CCR9: variants seen among roughly 807,000 people sequenced by gnomAD.
CCR9 encodes C-C chemokine receptor type 9.
CCR9 carries 4 observed loss-of-function variants against 8.7 expected under a neutral mutation model. The ratio of observed to expected loss-of-function variants is 0.46; its 90% confidence interval spans 0.23 to 1.06. The LOEUF is 1.06. Among genes scored for constraint, CCR9 ranks in the 50% least tolerant of loss-of-function variants. CCR9 has a pLI of 0.21. For missense variants in CCR9, 394 were observed against 453.6 expected (o/e 0.87, Z 1.19); for synonymous variants, 159 against 168.8 (o/e 0.94, Z 0.45).
rs1246744284 is a variant in CCR9, at chr3:45,900,411, C to CT, written c.22-399_22-398insT. Among the ~76,000 whole-genome samples the CT allele has an allele frequency of 2.0e-5, 3 of 152,098 alleles. No individual in the cohort carries two copies. Among genetic ancestry groups the CT allele is most frequent in the African/African-American group, 7.2e-5 (3 of 41,398 alleles). On this transcript the variant is annotated intron_variant, in intron 2 of 2. Transcript: ENST00000357632. The surrounding 1 kb of genome is among the most constrained non-coding windows in gnomAD (Gnocchi z 4.7). Reference sequence around the variant, plus strand: ...ACTGAATAGATAGGAGAAGTACGATCACAGTCATATCACAGTTTGATAAAA... The same window carrying CT: ...ACTGAATAGATAGGAGAAGTACGATCTACAGTCATATCACAGTTTGATAAAA...
At chr3:45,898,963 C>T (rs1275677418) in intron 2 of CCR9, among the ~76,000 whole-genome samples, 5 of 152,016 alleles carry the variant, frequency 3.3e-5, no homozygotes, top group Non-Finnish European at 5.9e-5. Flanking sequence ...GTCAGAAGTT[C>T]GAGACCAGCC....
intron 1 of CCR9, among the ~76,000 whole-genome samples, chr3:45,887,538 C>T (rs1467928561): frequency 3.3e-5 from 5 of 152,206 alleles, no homozygotes; most frequent in African/African-American, 9.6e-5. Flanking sequence ...ACTCCATAGA[C>T]GGCTGGCAAG....
chr3:45,901,701 A>G lies in CCR9; in HGVS notation c.913A>G (p.Ile305Val). The G allele has an allele frequency of 6.2e-7, 1 of 1,614,158 alleles. No individual in the cohort carries two copies. The highest frequency in any genetic ancestry group is 8.5e-7 in the Non-Finnish European group (1 of 1,180,000). Residue 305 changes from isoleucine to valine, a missense_variant, in exon 3 of 3, where the codon ATC becomes GTC. Physicochemically the swap from Ile to Val is conservative, Grantham distance 29. Transcript: ENST00000357632. The surrounding 1 kb of genome is among the most constrained non-coding windows in gnomAD (Gnocchi z 4.3). Reference sequence around the variant, plus strand: ...CATCTGCTTCCAGGTCACCCAGACCATCGCCTTCTTCCACAGTTGCCTGAA... The same window carrying G: ...CATCTGCTTCCAGGTCACCCAGACCGTCGCCTTCTTCCACAGTTGCCTGAA... ...IDICFQVTQT[I>V]AFFHSCLNPV...
intron 1 of CCR9, among the ~76,000 whole-genome samples, chr3:45,894,463 G>A (rs529304966): frequency 3.9e-5 from 6 of 152,244 alleles, no homozygotes; most frequent in African/African-American, 1.4e-4. Flanking sequence ...TGTTAGCTTC[G>A]GTGAGTCCCT....
At position 45,903,172 on chromosome 3, in the gene CCR9, C is replaced by T. The variant is rs1249668565; in HGVS notation, c.*1274C>T. ...TGTGCAATTAAAGATCAAATAGATACATTAAGAGTGTGAAGGCTGGTCTGA... is the reference window on the plus strand; with the variant it reads ...TGTGCAATTAAAGATCAAATAGATATATTAAGAGTGTGAAGGCTGGTCTGA... On this transcript the variant is annotated 3_prime_UTR_variant, in exon 3 of 3. Coordinates refer to ENST00000357632, the MANE Select transcript of CCR9 (RefSeq NM_031200.3). 4 of 167,002 alleles carry T rather than the reference C, an allele frequency of 2.4e-5. No individual in the cohort carries two copies. In the Admixed American group the frequency reaches 2.6e-4, roughly 11 times the overall value. The allele number at this position is 167,002 out of a possible 1,614,324, so 10.3% of individuals were successfully genotyped here. A position where few individuals can be genotyped will look rare whatever the true frequency, so the allele number is the denominator to read the frequency against.
Position 45,886,553 on chromosome 3 carries a change from A to G in CCR9, c.-131A>G, listed in dbSNP as rs1701985836. On this transcript the variant is annotated 5_prime_UTR_variant, in exon 1 of 3. Coordinates refer to ENST00000357632, the MANE Select transcript of CCR9 (RefSeq NM_031200.3). ...GGTAGCTGCCTGCTCAGAACCCACA[A>G]AGCCTGCCCCTCATCCCAGGCAGAG... 1 of 152,148 alleles carries G rather than the reference A, an allele frequency of 6.6e-6. No individual in the cohort carries two copies. The highest frequency in any genetic ancestry group is 2.4e-5 in the African/African-American group (1 of 41,404). The allele number at this position is 152,148 out of a possible 1,614,324, so 9.4% of individuals were successfully genotyped here. A position where few individuals can be genotyped will look rare whatever the true frequency, so the allele number is the denominator to read the frequency against.
chr3:45,886,450 CTCCCCACCCTCTTGGGCT>C (rs1701983371), upstream of CCR9: 1 of 152,264 alleles, frequency 6.6e-6, no homozygotes, highest in Admixed American at 6.5e-5. Context: ...ACACAGGTGA[CTCCCCACCCTCTTGGGCT>C]ACCCCACCAG....
At chr3:45,890,944 A>T (rs1269044313) in intron 1 of CCR9, among the ~76,000 whole-genome samples, 2 of 152,242 alleles carry the variant, frequency 1.3e-5, no homozygotes, top group African/African-American at 4.8e-5. Context: ...ATAAAAGTTC[A>T]AAGTGTACGA....
chr3:45,895,579 T>C (rs1310102050), intron 2 of CCR9, among the ~76,000 whole-genome samples: 1 of 152,130 alleles, frequency 6.6e-6, no homozygotes, highest in Non-Finnish European at 1.5e-5. Flanking sequence ...CTAGGTGTGG[T>C]GGCATGCGCA....
chr3:45,889,715 T>C (rs139623047), intron 1 of CCR9, among the ~76,000 whole-genome samples: 11 of 151,830 alleles, frequency 7.2e-5, no homozygotes, highest in African/African-American at 2.4e-4. Flanking sequence ...TCACACAACA[T>C]AAGTCTTCCT....
intron 2 of CCR9, among the ~76,000 whole-genome samples, chr3:45,895,392 G>A (rs746969606): frequency 5.3e-5 from 8 of 152,230 alleles, no homozygotes; most frequent in Non-Finnish European, 1.0e-4. Context: ...ACATTCCCCT[G>A]AAAGAGACCA....
chr3:45,901,643 C>A lies in CCR9; in HGVS notation c.855C>A (p.Phe285Leu). Residue 285 changes from phenylalanine to leucine, a missense_variant, in exon 3 of 3, where the codon TTC becomes TTA. Coordinates refer to ENST00000357632, the MANE Select transcript of CCR9 (RefSeq NM_031200.3). This position sits in a 1 kb window ranked among gnomAD's most constrained non-coding sequence, Gnocchi z 4.3. Reference sequence around the variant, plus strand: ...AGACCATTGACGCCTATGCCATGTTCATCTCCAACTGTGCCGTTTCCACCA... The same window carrying A: ...AGACCATTGACGCCTATGCCATGTTAATCTCCAACTGTGCCGTTTCCACCA... The part of the protein sequence containing the change: ...LVQTIDAYAM[F>L]ISNCAVSTNI... 1 of 1,614,140 alleles carries A rather than the reference C, an allele frequency of 6.2e-7. No homozygotes were observed. Among genetic ancestry groups the A allele is most frequent in the Non-Finnish European group, 8.5e-7 (1 of 1,179,964 alleles).
chr3:45,894,845 A>T, intron 1 of CCR9, 61 bp from the exon 2 acceptor site: 1 of 1,187,736 alleles, frequency 8.4e-7, no homozygotes, highest in East Asian at 2.3e-5. Flanking sequence ...TCTTTTTGGC[A>T]TTTGGTTGTT....
chr3:45,897,693 C>T (rs1013818677), intron 2 of CCR9: 8 of 1,277,406 alleles, frequency 6.3e-6, no homozygotes, highest in Non-Finnish European at 8.5e-6. Flanking sequence ...ATTTGTTCCC[C>T]AGGAACCAAA....
rs200933519 is a variant in CCR9 at position 45,902,895 on chromosome 3, G to A, written c.*997G>A. 6.0e-6 allele frequency: 1 copy of A among 167,026 alleles called. No homozygotes were observed. Among genetic ancestry groups the A allele is most frequent in the African/African-American group, 2.4e-5 (1 of 41,436 alleles). 10.3% of individuals were successfully genotyped at this position (167,026 alleles called of 1,614,324 possible). On this transcript the variant is annotated 3_prime_UTR_variant, in exon 3 of 3. Coordinates refer to ENST00000357632, the MANE Select transcript of CCR9 (RefSeq NM_031200.3). Reference sequence around the variant, plus strand: ...GGGTGAAGCGCAGGCCTTGCTGGAAGGCTATTTACTTCCATGCTTCTCCTT... The same window carrying A: ...GGGTGAAGCGCAGGCCTTGCTGGAAAGCTATTTACTTCCATGCTTCTCCTT...
intron 1 of CCR9, among the ~76,000 whole-genome samples, 177 bp from the exon 2 acceptor site, chr3:45,894,729 T>C (rs1333924036): frequency 6.6e-6 from 1 of 152,244 alleles, no homozygotes; most frequent in African/African-American, 2.4e-5. Context: ...TTCATTTCTG[T>C]GTGGACTACT....
intron 1 of CCR9, among the ~76,000 whole-genome samples, chr3:45,888,212 T>C (rs1340310603): frequency 6.6e-6 from 1 of 152,220 alleles, no homozygotes; most frequent in Non-Finnish European, 1.5e-5. Context: ...CCCCATGCTT[T>C]CTGACTTTCA....
chr3:45,897,624 G>C (rs1365106218), intron 2 of CCR9: 3 of 1,534,710 alleles, frequency 2.0e-6, no homozygotes, highest in Non-Finnish European at 2.6e-6. Context: ...CTCCTTCCAG[G>C]ACCTTAGCCC....
chr3:45,902,055 C>G lies in CCR9; in HGVS notation c.*157C>G, dbSNP rs200518653. 2.9e-5 allele frequency: 19 copies of G among 662,230 alleles called. No homozygotes were observed. Among genetic ancestry groups the G allele is most frequent in the Non-Finnish European group, 4.8e-5 (19 of 395,198 alleles). 41.0% of individuals were successfully genotyped at this position (662,230 alleles called of 1,614,324 possible). A position where few individuals can be genotyped will look rare whatever the true frequency, so the allele number is the denominator to read the frequency against. On this transcript the variant is annotated 3_prime_UTR_variant, in exon 3 of 3. Transcript: ENST00000357632. ...TACTTGTAGTCAGAATTTGCCAAAG[C>G]AAATATTTCAAAATCAACTGACTAG...
Sources: allele counts gnomAD v4.1 joint callset (sites outside exome capture counted in the v4.1 genomes callset), GRCh38; gene constraint gnomAD v4.1.1; non-coding constraint Gnocchi (gnomAD v3.1); transcripts MANE v1.5; gene names NCBI Gene and HGNC (gene_info 2026-07-23, HGNC 2026-07-21).